Variants in LMO7 observed in about 807,000 individuals in gnomAD.
The protein encoded by LMO7 is LIM domain only protein 7.
A neutral mutation model predicts 206.5 loss-of-function variants in LMO7; 120 were observed. That is an observed-to-expected ratio of 0.58 (90% CI 0.50 to 0.68). The LOEUF is 0.68. LMO7 is among the 30% of genes least tolerant of loss of function. The pLI, the probability that LMO7 is intolerant of heterozygous loss-of-function variation, is 0.00. For synonymous variants in LMO7, 706 were observed against 681.5 expected, an observed-to-expected ratio of 1.04 and a Z score of -0.56; for missense variants, 1,959 against 1,957.9, an observed-to-expected ratio of 1.00 and a Z score of -0.01.
chr13:75,830,959 A>G (rs1440505473), intron 15 of LMO7, among the ~76,000 whole-genome samples: 1 of 152,150 alleles, frequency 6.6e-6, no homozygotes, highest in African/African-American at 2.4e-5. Context: ...CTTATATAGC[A>G]AATAGATTCT....
chr13:75,728,685 C>A (rs1406413998), intron 3 of LMO7, among the ~76,000 whole-genome samples: 2 of 136,416 alleles, frequency 1.5e-5, no homozygotes, highest in Non-Finnish European at 3.1e-5. Flanking sequence ...GTGTTTTAGA[C>A]ATGAAGTCCT....
intron 15 of LMO7, among the ~76,000 whole-genome samples, chr13:75,827,364 T>C (rs1327114304): frequency 6.6e-6 from 1 of 152,178 alleles, no homozygotes; most frequent in Non-Finnish European, 1.5e-5. Flanking sequence ...CAGAGACTGG[T>C]TAGGAGCCTA....
intron 1 of LMO7, among the ~76,000 whole-genome samples, chr13:75,668,984 G>A (rs920204965): frequency 2.6e-5 from 4 of 152,188 alleles, no homozygotes; most frequent in African/African-American, 7.2e-5. Flanking sequence ...TGATGCCTGA[G>A]ATCATGAGAG....
At chr13:75,791,910 A>G (rs1021688626) in intron 4 of LMO7, among the ~76,000 whole-genome samples, 43 of 152,038 alleles carry the variant, frequency 2.8e-4, no homozygotes, top group African/African-American at 9.2e-4. Context: ...TTTTTATTGC[A>G]GACTTGGGTT....
chr13:75,796,067 C>G (rs1224346766), intron 5 of LMO7, among the ~76,000 whole-genome samples: 1 of 152,130 alleles, frequency 6.6e-6, no homozygotes, highest in African/African-American at 2.4e-5. Context: ...ACGCTAAAGG[C>G]AAGTAAACAC....
At chr13:75,746,250 A>G (rs1030752817) in intron 3 of LMO7, among the ~76,000 whole-genome samples, 1 of 152,186 alleles carries the variant, frequency 6.6e-6, no homozygotes, top group African/African-American at 2.4e-5. Flanking sequence ...AGCAAGTTGC[A>G]GAAGATCACA....
At chr13:75,671,009 C>T (rs1478017755) in intron 1 of LMO7, among the ~76,000 whole-genome samples, 3 of 82,746 alleles carry the variant, frequency 3.6e-5, no homozygotes, top group African/African-American at 1.2e-4. Context: ...TTGTTAAAAA[C>T]CAAGACACAA....
intron 1 of LMO7, among the ~76,000 whole-genome samples, chr13:75,642,564 C>G (rs2036641988): frequency 6.6e-6 from 1 of 151,802 alleles, no homozygotes; most frequent in African/African-American, 2.4e-5. Context: ...AACTGTGCCA[C>G]TGCACTCCAG....
intron 4 of LMO7, among the ~76,000 whole-genome samples, chr13:75,780,794 T>C (rs959037133): frequency 2.6e-5 from 4 of 152,204 alleles, no homozygotes; most frequent in Non-Finnish European, 5.9e-5. Context: ...AACTAATAAA[T>C]GTCTATGAAT....
At chr13:75,737,854 A>AAAC (rs1566372709) in intron 3 of LMO7, among the ~76,000 whole-genome samples, 1 of 145,634 alleles carries the variant, frequency 6.9e-6, no homozygotes, top group African/African-American at 2.5e-5. Flanking sequence ...AAAAAAAAAA[A>AAAC]AAAAAAAAAA....
intron 1 of LMO7, among the ~76,000 whole-genome samples, chr13:75,699,889 G>A (rs2137883723): frequency 6.6e-6 from 1 of 152,302 alleles, no homozygotes; most frequent in Admixed American, 6.5e-5. Flanking sequence ...AGGAGACCAG[G>A]GCGTATTTTA....
intron 1 of LMO7, among the ~76,000 whole-genome samples, chr13:75,679,855 A>AT (rs1209364200): frequency 6.6e-6 from 1 of 152,204 alleles, no homozygotes; most frequent in African/African-American, 2.4e-5. Flanking sequence ...TGCTGGGATT[A>AT]CAGGTGTGAG....
In LMO7 at chr13:75,841,194, T is replaced by C. The variant is rs1419061245; in HGVS notation, c.3668T>C (p.Leu1223Ser). 2 of 1,605,582 alleles carry C rather than the reference T, an allele frequency of 1.2e-6. No individual in the cohort carries two copies. Among genetic ancestry groups the C allele is most frequent in the Non-Finnish European group, 1.7e-6 (2 of 1,172,698 alleles). ...QEAERENSKY[L>S]DEELMVLSSN... ...GCAGAGAGAGAGAATTCCAAGTACT[T>C]GGATGAGGTAGTGTTAGAACATGCC... Residue 1223 changes from leucine to serine, a missense_variant, in exon 23 of 31, where the codon TTG (leucine) becomes TCG (serine). Leu to Ser is a moderately radical substitution (Grantham distance 145). Coordinates refer to ENST00000377534, the MANE Select transcript of LMO7 (RefSeq NM_001306080.2).
At chr13:75,762,636 T>C (rs2048345580) in intron 4 of LMO7, among the ~76,000 whole-genome samples, 2 of 152,154 alleles carry the variant, frequency 1.3e-5, no homozygotes, top group Non-Finnish European at 2.9e-5. Context: ...GGCTCTGCCT[T>C]CAGTGAAATT....
intron 22 of LMO7, 87 bp from the exon 23 acceptor site, chr13:75,841,022 T>G: frequency 1.2e-6 from 1 of 825,108 alleles, no homozygotes. Flanking sequence ...AGGTTGAAGG[T>G]TTAGAGATCA....
At position 75,788,452 on chromosome 13, in the gene LMO7, C is replaced by CAAAA. The variant is rs10638523; in HGVS notation, c.318-6931_318-6928dup. Among the ~76,000 whole-genome samples, 11 of 59,940 alleles carry CAAAA rather than the reference C, an allele frequency of 1.8e-4. 1 individual carries two copies. The highest frequency in any genetic ancestry group is 7.1e-4 in the South Asian group (1 of 1,418). The allele number at this position is 59,940 out of a possible 152,430, so 39.3% of individuals were successfully genotyped here. A position where few individuals can be genotyped will look rare whatever the true frequency, so the allele number is the denominator to read the frequency against. On this transcript the variant is annotated intron_variant, in intron 4 of 30. Coordinates refer to ENST00000377534, the MANE Select transcript of LMO7 (RefSeq NM_001306080.2). ...GGGCAAAAAGAGCAAAACTCTGCCTCAAAAAAAAAAAAAAAAAAAAAGCCA... is the reference window on the plus strand; with the variant it reads ...GGGCAAAAAGAGCAAAACTCTGCCTCAAAAAAAAAAAAAAAAAAAAAAAAAGCCA...
In LMO7 at chr13:75,856,053, G is replaced by A. The variant is rs542272988; in HGVS notation, c.4771-453G>A. Among the ~76,000 whole-genome samples, 4 of 152,262 alleles carry A rather than the reference G, an allele frequency of 2.6e-5. No individual in the cohort carries two copies. In the East Asian group the frequency reaches 7.8e-4, roughly 30 times the overall value. ...AATTAGAGTTTGGGCACATGGAATC[G>A]AAATATCCAGCCTTGAAGTGAGGCG... On this transcript the variant is annotated intron_variant, in intron 29 of 30. Coordinates refer to ENST00000377534, the MANE Select transcript of LMO7 (RefSeq NM_001306080.2).
intron 1 of LMO7, among the ~76,000 whole-genome samples, chr13:75,667,238 A>G (rs1470437773): frequency 2.0e-5 from 3 of 152,198 alleles, no homozygotes; most frequent in Admixed American, 2.0e-4. Context: ...CTGATTTCCA[A>G]CATACCATTT....
intron 1 of LMO7, among the ~76,000 whole-genome samples, chr13:75,710,492 T>C (rs2043011502): frequency 6.6e-6 from 1 of 151,934 alleles, no homozygotes; most frequent in Admixed American, 6.6e-5. Flanking sequence ...GGTTTGTAGT[T>C]CTCCTTGAAG....
Sources: gnomAD v4.1 joint callset for allele counts (sites outside exome capture counted in the v4.1 genomes callset) on GRCh38, gnomAD v4.1.1 for gene constraint, MANE v1.5 for transcripts, NCBI Gene and HGNC (gene_info 2026-07-23, HGNC 2026-07-21) for gene names.